MSRB3: variants seen among roughly 807,000 people sequenced by gnomAD.
The protein encoded by MSRB3 is methionine sulfoxide reductase B3, also known as methionine-R-sulfoxide reductase B3.
A neutral mutation model predicts 21.0 loss-of-function variants in MSRB3; 13 were observed. That is an observed-to-expected ratio of 0.62 (90% CI 0.40 to 0.98). The LOEUF (loss-of-function observed/expected upper bound fraction) is 0.98, where lower values mean the gene tolerates loss of function less well. MSRB3 is among the 50% of genes least tolerant of loss of function. The pLI, the probability that MSRB3 is intolerant of heterozygous loss-of-function variation, is 0.00. For missense variants in MSRB3, 199 were observed against 230.3 expected (o/e 0.86, Z 0.88); for synonymous variants, 87 against 88.6 (o/e 0.98, Z 0.10).
At chr12:65,430,770 C>T (rs1412333076) in intron 5 of MSRB3, among the ~76,000 whole-genome samples, 4 of 152,010 alleles carry the variant, frequency 2.6e-5, no homozygotes, top group Admixed American at 1.3e-4. Context: ...AAATGACTCA[C>T]ATTTGAATCC....
intron 5 of MSRB3, among the ~76,000 whole-genome samples, chr12:65,371,389 A>T (rs1344543813): frequency 6.6e-6 from 1 of 151,742 alleles, no homozygotes; most frequent in Non-Finnish European, 1.5e-5. Flanking sequence ...ATAGGTTCAG[A>T]TTCTCTATTG....
intron 5 of MSRB3, among the ~76,000 whole-genome samples, chr12:65,425,816 T>A (rs1436832390): frequency 1.3e-5 from 2 of 152,174 alleles, no homozygotes; most frequent in Non-Finnish European, 2.9e-5. Flanking sequence ...ATCCTGAATT[T>A]GAGGATGTAA....
chr12:65,351,926 C>G (rs994080582), intron 4 of MSRB3, among the ~76,000 whole-genome samples: 212 of 152,220 alleles, frequency 1.4e-3, no homozygotes, highest in African/African-American at 4.6e-3. Context: ...CTATTCCAAT[C>G]TATAGAAAAA....
rs1316506960 is a variant in MSRB3, at chr12:65,465,405, C to G, written c.*2083C>G. The stretch of plus-strand genomic sequence containing the variant: ...GTAACTCTTTGAAAGTTTATGAAGA[C>G]TGACAGCTTTCCTTGTAAGCACTAA... On this transcript the variant is annotated 3_prime_UTR_variant, in exon 7 of 7. Coordinates refer to ENST00000308259, the MANE Select transcript of MSRB3 (RefSeq NM_001031679.3). The G allele has an allele frequency of 6.6e-6, 1 of 152,076 alleles. No homozygotes were observed. Among genetic ancestry groups the G allele is most frequent in the East Asian group, 1.9e-4 (1 of 5,192 alleles). 9.4% of individuals were successfully genotyped at this position (152,076 alleles called of 1,614,324 possible). A position where few individuals can be genotyped will look rare whatever the true frequency, so the allele number is the denominator to read the frequency against.
At chr12:65,400,861 A>G (rs371623777) in intron 5 of MSRB3, among the ~76,000 whole-genome samples, 2 of 152,192 alleles carry the variant, frequency 1.3e-5, no homozygotes, top group East Asian at 1.9e-4. Context: ...CCTGAATGTC[A>G]TTATTTACCC....
At chr12:65,311,745 G>A (rs1873998762) in intron 2 of MSRB3, among the ~76,000 whole-genome samples, 1 of 151,884 alleles carries the variant, frequency 6.6e-6, no homozygotes, top group South Asian at 2.1e-4. Flanking sequence ...TCCCTAACCA[G>A]TACCCTACTA....
chr12:65,398,201 T>C (rs1262493268), intron 5 of MSRB3, among the ~76,000 whole-genome samples: 1 of 152,234 alleles, frequency 6.6e-6, no homozygotes. Context: ...TCCACAATGG[T>C]TGAACTAAAT....
At chr12:65,338,347 T>C (rs564265546) in intron 4 of MSRB3, among the ~76,000 whole-genome samples, 142 of 152,334 alleles carry the variant, frequency 9.3e-4, no homozygotes, top group African/African-American at 2.9e-3. Flanking sequence ...TTGTAAATAA[T>C]GTAGTCAAAT....
At chr12:65,312,781 T>A (rs1874061550) in intron 2 of MSRB3, among the ~76,000 whole-genome samples, 1 of 152,074 alleles carries the variant, frequency 6.6e-6, no homozygotes, top group Non-Finnish European at 1.5e-5. Flanking sequence ...GCTCCAGAGC[T>A]TAACACAGTG....
rs150705958 is a variant in MSRB3, at chr12:65,386,585, A to G, written c.292+17559A>G. On this transcript the variant is annotated intron_variant, in intron 5 of 6. Transcript: ENST00000308259. ...TCATAGGCATCTTTTCCATGCAATA[A>G]ATATCCAGTATTGAGAAGGAACATA... is the stretch of plus-strand genomic sequence containing the variant. Among the ~76,000 whole-genome samples the G allele has an allele frequency of 2.7e-3, 407 of 152,108 alleles. 2 individuals are homozygous for G. In the Middle Eastern group the frequency reaches 0.031, roughly 11 times the overall value.
At chr12:65,333,301 G>A (rs904136740) in intron 4 of MSRB3, among the ~76,000 whole-genome samples, 3 of 152,202 alleles carry the variant, frequency 2.0e-5, no homozygotes, top group African/African-American at 4.8e-5. Context: ...CTCTCTGAAT[G>A]TGCCTGTTTG....
chr12:65,306,775 C>A, intron 1 of MSRB3: 1 of 855,642 alleles, frequency 1.2e-6, no homozygotes, highest in Non-Finnish European at 1.4e-6. Context: ...TTAAATCACA[C>A]AGTCATATCA....
At chr12:65,374,907 T>G (rs992580159) in intron 5 of MSRB3, among the ~76,000 whole-genome samples, 4 of 152,156 alleles carry the variant, frequency 2.6e-5, no homozygotes, top group East Asian at 1.9e-4. Context: ...TGGAGTGCAG[T>G]GGCGCGATCT....
chr12:65,410,510 G>A (rs1339421337), intron 5 of MSRB3, among the ~76,000 whole-genome samples: 4 of 152,128 alleles, frequency 2.6e-5, no homozygotes, highest in African/African-American at 9.7e-5. Flanking sequence ...TGAGTGTCGT[G>A]GCATGCACCT....
At chr12:65,398,379 CAT>C (rs1879931778) in intron 5 of MSRB3, among the ~76,000 whole-genome samples, 1 of 152,066 alleles carries the variant, frequency 6.6e-6, no homozygotes, top group African/African-American at 2.4e-5. Flanking sequence ...AGCTTTTTTT[CAT>C]ATGTTTGTTG....
intron 6 of MSRB3, among the ~76,000 whole-genome samples, chr12:65,457,590 T>C: frequency 6.6e-6 from 1 of 152,106 alleles, no homozygotes; most frequent in East Asian, 1.9e-4. Flanking sequence ...ATGGTGTAAT[T>C]GACAAATGGA....
intron 5 of MSRB3, among the ~76,000 whole-genome samples, chr12:65,447,757 A>G (rs1164846025): frequency 6.6e-6 from 1 of 152,216 alleles, no homozygotes; most frequent in African/African-American, 2.4e-5. Flanking sequence ...TGAAGCCAAT[A>G]TAGAAAACAA....
intron 2 of MSRB3, among the ~76,000 whole-genome samples, chr12:65,320,531 A>G (rs1295488811): frequency 2.0e-5 from 3 of 152,126 alleles, no homozygotes; most frequent in African/African-American, 7.2e-5. Context: ...TCCAAAATTC[A>G]TCACCAGAAA....
At chr12:65,399,639 T>C (rs1376089326) in intron 5 of MSRB3, among the ~76,000 whole-genome samples, 1 of 152,180 alleles carries the variant, frequency 6.6e-6, no homozygotes, top group African/African-American at 2.4e-5. Context: ...CAATACTATG[T>C]TGAATAGGAA....
Sources: gnomAD v4.1 joint callset for allele counts (sites outside exome capture counted in the v4.1 genomes callset) on GRCh38, gnomAD v4.1.1 for gene constraint, MANE v1.5 for transcripts, NCBI Gene and HGNC (gene_info 2026-07-23, HGNC 2026-07-21) for gene names.